The following DMD variants were observed in gnomAD, a reference collection of about 807,000 sequenced individuals.
DMD encodes the protein mutant dystrophin.
A neutral mutation model predicts 330.1 loss-of-function variants in DMD; 63 were observed. The observed-to-expected ratio is 0.19, with a 90% CI of 0.16 to 0.24. The LOEUF (loss-of-function observed/expected upper bound fraction) is 0.24. Among genes scored for constraint, DMD ranks in the 10% least tolerant of loss-of-function variants. The probability of loss-of-function intolerance (pLI) is 1.00; values close to 1 mark genes in which losing one functional copy is unlikely to be tolerated. For missense variants in DMD, 3,344 were observed against 2,684.1 expected (o/e 1.25, Z -5.43); for synonymous variants, 1,223 against 959.8 (o/e 1.27, Z -5.07).
chrX:32,321,243 C>T (rs1306860979), intron 41 of DMD, among the ~76,000 whole-genome samples: 3 of 110,586 alleles, frequency 2.7e-5, no homozygotes, highest in Non-Finnish European at 3.8e-5. Flanking sequence ...TGAACTGAGT[C>T]CATGCAACGT....
chrX:32,837,598 C>T lies in DMD; in HGVS notation c.264+7185G>A, dbSNP rs909363019. On this transcript the variant is annotated intron_variant, in intron 4 of 78. Transcript: ENST00000357033. ...TAGTTTCTTCCTTTAATCCTCCCCA[C>T]GTTTCTATAAATATTCCCCTGATTA... Among the ~76,000 whole-genome samples the T allele has an allele frequency of 1.2e-4, 13 of 111,677 alleles. No individual in the cohort carries two copies. In the South Asian group the frequency reaches 2.6e-3, roughly 22 times the overall value.
intron 75 of DMD, among the ~76,000 whole-genome samples, 199 bp downstream of exon 75, chrX:31,147,076 C>T (rs984663284): frequency 1.8e-5 from 2 of 111,536 alleles, no homozygotes; most frequent in Non-Finnish European, 3.8e-5. Flanking sequence ...TGGTAGGAAA[C>T]AATATTGGAC....
intron 47 of DMD, among the ~76,000 whole-genome samples, chrX:31,896,608 A>G (rs1188599816): frequency 9.0e-6 from 1 of 111,518 alleles, no homozygotes; most frequent in Non-Finnish European, 1.9e-5. Context: ...CCAAATTAGA[A>G]TGTGCTTCAA....
intron 2 of DMD, among the ~76,000 whole-genome samples, chrX:32,972,626 C>T (rs5928125): frequency 0.43 from 47,396 of 111,166 alleles, 7,176 homozygotes; most frequent in Non-Finnish European, 0.47. Context: ...CAGTAATATG[C>T]CAGTATTCAC....
intron 1 of DMD, among the ~76,000 whole-genome samples, chrX:33,332,599 A>T (rs1212623776): frequency 9.0e-6 from 1 of 111,319 alleles, no homozygotes; most frequent in Non-Finnish European, 1.9e-5. Context: ...CTATTTGATG[A>T]CACCTTGAAC....
intron 49 of DMD, among the ~76,000 whole-genome samples, chrX:31,833,301 GGA>G (rs1169966375): frequency 1.3e-4 from 2 of 15,234 alleles, no homozygotes; most frequent in Middle Eastern, 0.037. Flanking sequence ...AGGGAGAGAG[GGA>G]GAGAGGGAGA....
At chrX:32,178,980 C>CTCTCTCTT (rs2096917651) in intron 44 of DMD, among the ~76,000 whole-genome samples, 1 of 104,770 alleles carries the variant, frequency 9.5e-6, no homozygotes, top group Non-Finnish European at 2.0e-5. Flanking sequence ...CTCTCTCTCT[C>CTCTCTCTT]TCCCTCTCCT....
At chrX:32,018,693 G>A (rs1331735810) in intron 44 of DMD, among the ~76,000 whole-genome samples, 5 of 111,427 alleles carry the variant, frequency 4.5e-5, no homozygotes, top group East Asian at 2.8e-4. Flanking sequence ...ATGTAATTAC[G>A]CCTGTTTCAT....
At chrX:32,022,281 T>C (rs948666741) in intron 44 of DMD, among the ~76,000 whole-genome samples, 65 of 112,055 alleles carry the variant, frequency 5.8e-4, no homozygotes, top group Admixed American at 8.6e-4. Context: ...TGGACAAGTA[T>C]ACAAAATTTG....
At chrX:31,885,611 C>CAAAAAAAAAAAAAAAAAAA (rs762289533) in intron 47 of DMD, among the ~76,000 whole-genome samples, 3 of 52,325 alleles carry the variant, frequency 5.7e-5, no homozygotes, top group Admixed American at 3.0e-4. Context: ...CTCCGTCTCA[C>CAAAAAAAAAAAAAAAAAAA]AAAAAAAAAA....
At chrX:32,298,996 C>T (rs2097509710) in intron 42 of DMD, among the ~76,000 whole-genome samples, 2 of 110,960 alleles carry the variant, frequency 1.8e-5, no homozygotes, top group Admixed American at 1.9e-4. Context: ...ATTATATACA[C>T]CTTCCAGAAA....
At chrX:32,952,927 G>T (rs1416896809) in intron 2 of DMD, among the ~76,000 whole-genome samples, 1 of 109,872 alleles carries the variant, frequency 9.1e-6, no homozygotes, top group African/African-American at 3.3e-5. Flanking sequence ...TTGAGGTCAG[G>T]AGTTCAAGAC....
intron 43 of DMD, among the ~76,000 whole-genome samples, chrX:32,226,837 C>T (rs1009494291): frequency 9.0e-6 from 1 of 110,515 alleles, no homozygotes; most frequent in African/African-American, 3.3e-5. Flanking sequence ...ATTTTTAATA[C>T]CGACACAGAA....
intron 60 of DMD, among the ~76,000 whole-genome samples, chrX:31,370,054 G>A (rs1423960207): frequency 2.0e-5 from 2 of 101,882 alleles, no homozygotes; most frequent in East Asian, 3.0e-4. Context: ...AGCCAAGATC[G>A]GGCCACTGCA....
intron 52 of DMD, among the ~76,000 whole-genome samples, chrX:31,695,281 G>A (rs1278723475): frequency 1.8e-5 from 2 of 110,935 alleles, no homozygotes; most frequent in African/African-American, 6.5e-5. Flanking sequence ...AAAGGGTAGT[G>A]TGGAGGTAGG....
intron 49 of DMD, among the ~76,000 whole-genome samples, chrX:31,827,244 G>C (rs2092913828): frequency 9.0e-6 from 1 of 111,623 alleles, no homozygotes; most frequent in Non-Finnish European, 1.9e-5. Context: ...ATGCAAATGG[G>C]AACCAAAAGC....
At chrX:33,031,643 C>T (rs1243163284) in intron 1 of DMD, among the ~76,000 whole-genome samples, 1 of 110,743 alleles carries the variant, frequency 9.0e-6, no homozygotes, top group East Asian at 2.9e-4. Context: ...TGGTGGCGGA[C>T]ACCTGAAATC....
At chrX:31,851,080 TGTTCA>T (rs2093516424) in intron 48 of DMD, among the ~76,000 whole-genome samples, 1 of 112,031 alleles carries the variant, frequency 8.9e-6, no homozygotes, top group Non-Finnish European at 1.9e-5. Flanking sequence ...AACACAACAT[TGTTCA>T]GTTGAGTTTC....
At chrX:33,284,767 G>A (rs1266011913) in intron 1 of DMD, among the ~76,000 whole-genome samples, 3 of 100,900 alleles carry the variant, frequency 3.0e-5, no homozygotes, top group East Asian at 3.1e-4. Flanking sequence ...AATTTAGAGC[G>A]TAGCACATAG....
Sources: allele counts gnomAD v4.1 joint callset (sites outside exome capture counted in the v4.1 genomes callset), GRCh38; gene constraint gnomAD v4.1.1; transcripts MANE v1.5; gene names NCBI Gene and HGNC (gene_info 2026-07-23, HGNC 2026-07-21).